Variants in TNRC6B observed in about 807,000 individuals in gnomAD.
TNRC6B encodes the protein trinucleotide repeat containing adaptor 6B.
In TNRC6B, 52 loss-of-function variants were observed where a neutral mutation model predicts 203.6. The observed-to-expected ratio is 0.26, with a 90% CI of 0.20 to 0.32. The LOEUF is 0.32. TNRC6B is among the 10% of genes least tolerant of loss of function. TNRC6B has a pLI of 1.00. For synonymous variants in TNRC6B, 838 were observed against 845.7 expected, an observed-to-expected ratio of 0.99 and a Z score of 0.16; for missense variants, 1,923 against 2,286.2, an observed-to-expected ratio of 0.84 and a Z score of 3.24.
At chr22:40,161,808 A>G (rs8137693) in intron 4 of TNRC6B, among the ~76,000 whole-genome samples, 103,256 of 152,100 alleles carry the variant, frequency 0.68, 36,810 homozygotes, top group African/African-American at 0.9. Context: ...GTCTTTGAGA[A>G]TTATATTAGC....
intron 1 of TNRC6B, among the ~76,000 whole-genome samples, chr22:40,207,485 C>G (rs939079500): frequency 3.4e-5 from 5 of 148,420 alleles, no homozygotes; most frequent in African/African-American, 1.2e-4. Flanking sequence ...AAAGTTGATA[C>G]ATGTTCATTA....
intron 21 of TNRC6B, among the ~76,000 whole-genome samples, chr22:40,320,731 A>G (rs1232670479): frequency 6.6e-6 from 1 of 152,196 alleles, no homozygotes; most frequent in Non-Finnish European, 1.5e-5. Context: ...AGAATAGGCT[A>G]TGAACCAGGT....
At position 40,323,492 on chromosome 22, in the gene TNRC6B, A is replaced by G. The variant is rs1273920493; in HGVS notation, c.*251A>G. 7 of 381,196 alleles carry G rather than the reference A, an allele frequency of 1.8e-5. No individual in the cohort carries two copies. The highest frequency in any genetic ancestry group is 8.9e-5 in the South Asian group (2 of 22,488). 23.6% of individuals were successfully genotyped at this position (381,196 alleles called of 1,614,324 possible). ...TCACTCTTGAAATACTTGAATCATG[A>G]ACGCCAACCTAGAAAGACAATGTGA... On this transcript the variant is annotated 3_prime_UTR_variant, in exon 23 of 23. Transcript: ENST00000454349.
chr22:40,228,117 G>A (rs2069816988), intron 1 of TNRC6B, among the ~76,000 whole-genome samples: 1 of 152,120 alleles, frequency 6.6e-6, no homozygotes, highest in South Asian at 2.1e-4. Flanking sequence ...GTTTTTAGCA[G>A]TTCCAGATTA....
At position 40,330,495 on chromosome 22, in the gene TNRC6B, G is replaced by A. The variant is rs768860243; in HGVS notation, c.*7254G>A. The A allele has an allele frequency of 3.9e-5, 6 of 152,332 alleles. No individual in the cohort carries two copies. Among genetic ancestry groups the A allele is most frequent in the Non-Finnish European group, 8.8e-5 (6 of 68,040 alleles). The allele number at this position is 152,332 out of a possible 1,614,324, so 9.4% of individuals were successfully genotyped here. On this transcript the variant is annotated 3_prime_UTR_variant, in exon 23 of 23. Transcript: ENST00000454349. ...CATCCTATGTGTGTTCGCCAAAAATGGGAAAGGTGGGTATTTAGGCAAAAC... is the reference window on the plus strand; with the variant it reads ...CATCCTATGTGTGTTCGCCAAAAATAGGAAAGGTGGGTATTTAGGCAAAAC...
chr22:40,217,147 G>A (rs368037734), intron 1 of TNRC6B, among the ~76,000 whole-genome samples: 1 of 152,162 alleles, frequency 6.6e-6, no homozygotes, highest in East Asian at 1.9e-4. Flanking sequence ...AACCTTGGAA[G>A]CATTTCCCTC....
chr22:40,293,710 G>A (rs2070899850), intron 12 of TNRC6B, among the ~76,000 whole-genome samples: 1 of 152,080 alleles, frequency 6.6e-6, no homozygotes, highest in South Asian at 2.1e-4. Flanking sequence ...CTGCCCCTAG[G>A]AGTGTAATAA....
At chr22:40,228,714 C>T (rs1054414743) in intron 1 of TNRC6B, among the ~76,000 whole-genome samples, 4 of 151,292 alleles carry the variant, frequency 2.6e-5, no homozygotes, top group Non-Finnish European at 5.9e-5. Flanking sequence ...TTAGTAGGGA[C>T]GGCGTTTCAC....
chr22:40,101,687 G>C (rs2068242451), intron 1 of TNRC6B, among the ~76,000 whole-genome samples: 1 of 152,200 alleles, frequency 6.6e-6, no homozygotes, highest in Non-Finnish European at 1.5e-5. Context: ...AGACTGAGTA[G>C]ATGTGTGGGA....
intron 1 of TNRC6B, among the ~76,000 whole-genome samples, chr22:40,105,946 A>G (rs1386863246): frequency 1.3e-5 from 2 of 152,192 alleles, no homozygotes; most frequent in African/African-American, 4.8e-5. Flanking sequence ...TAATCATATC[A>G]GACTTTGATG....
intron 1 of TNRC6B, among the ~76,000 whole-genome samples, chr22:40,115,115 C>T (rs907403801): frequency 1.4e-4 from 21 of 152,086 alleles, no homozygotes; most frequent in African/African-American, 5.1e-4. Flanking sequence ...CTTCTGAATA[C>T]AGGCAGTGTC....
chr22:40,143,568 C>T (rs760826496), intron 3 of TNRC6B, among the ~76,000 whole-genome samples: 8 of 152,180 alleles, frequency 5.3e-5, no homozygotes, highest in Admixed American at 2.6e-4. Flanking sequence ...CGGCTCACTG[C>T]GAGCTCCACC....
chr22:40,079,583 A>T (rs9611262), intron 1 of TNRC6B, among the ~76,000 whole-genome samples: 31,647 of 151,402 alleles, frequency 0.21, 3,475 homozygotes, highest in South Asian at 0.31. Context: ...ATATATATAT[A>T]TTTTTTATGA....
chr22:40,132,739 C>G (rs1010611867), intron 3 of TNRC6B, among the ~76,000 whole-genome samples: 2 of 148,274 alleles, frequency 1.3e-5, no homozygotes, highest in Middle Eastern at 3.5e-3. Flanking sequence ...GTCAGGAGAT[C>G]GAGACCATCC....
At chr22:40,074,745 C>T (rs1272444668) in intron 1 of TNRC6B, among the ~76,000 whole-genome samples, 1 of 151,676 alleles carries the variant, frequency 6.6e-6, no homozygotes, top group Admixed American at 6.6e-5. Flanking sequence ...CGCCACTGCA[C>T]TCCAGCCTGG....
intron 1 of TNRC6B, among the ~76,000 whole-genome samples, chr22:40,182,194 G>A (rs1481334346): frequency 1.3e-5 from 2 of 151,564 alleles, no homozygotes; most frequent in Admixed American, 6.6e-5. Context: ...GCAGTGAGCC[G>A]AGATTGTGCC....
chr22:40,076,879 G>C (rs1480618433), intron 1 of TNRC6B, among the ~76,000 whole-genome samples: 2 of 151,898 alleles, frequency 1.3e-5, no homozygotes, highest in African/African-American at 4.8e-5. Flanking sequence ...GCAATTCTTA[G>C]CTGGGTGCGG....
At position 40,265,265 on chromosome 22, in the gene TNRC6B, A is replaced by G. The variant is rs368151112; in HGVS notation, c.1035A>G (p.Glu345=). ...GCACAGTAGGTCAGACATCCAGGGA[A>G]CAGCAGTCAAAGATGGAAAATGCGG... ...QVSTVGQTSR[E]QQSKMENAGV... Residue 345 remains glutamate, a synonymous_variant, in exon 5 of 23, where the codon GAA becomes GAG. Transcript: ENST00000454349. 2.7e-5 allele frequency: 44 copies of G among 1,613,916 alleles called. No homozygotes were observed. The highest frequency in any genetic ancestry group is 3.6e-5 in the Non-Finnish European group (43 of 1,179,900).
intron 4 of TNRC6B, among the ~76,000 whole-genome samples, chr22:40,170,484 G>T (rs2068968594): frequency 1.1e-3 from 22 of 20,340 alleles, no homozygotes; most frequent in Non-Finnish European, 1.5e-3. Flanking sequence ...TATATATATA[G>T]TTTATATATA....
Sources: allele counts gnomAD v4.1 joint callset (sites outside exome capture counted in the v4.1 genomes callset), GRCh38; gene constraint gnomAD v4.1.1; transcripts MANE v1.5; gene names NCBI Gene and HGNC (gene_info 2026-07-23, HGNC 2026-07-21).